The following MAN2A1 variants were observed in gnomAD, a reference collection of about 807,000 sequenced individuals.
The protein encoded by MAN2A1 is alpha-mannosidase 2.
In MAN2A1, 76 loss-of-function variants were observed where a neutral mutation model predicts 142.6. The ratio of observed to expected loss-of-function variants is 0.53; its 90% CI spans 0.44 to 0.65. The LOEUF (loss-of-function observed/expected upper bound fraction) is 0.65. Among genes scored for constraint, MAN2A1 ranks in the 30% least tolerant of loss-of-function variants. The pLI, the probability that MAN2A1 is intolerant of heterozygous loss-of-function variation, is 0.00. For missense variants in MAN2A1, 1,311 were observed against 1,365.1 expected (o/e 0.96, Z 0.62); for synonymous variants, 559 against 473.2 (o/e 1.18, Z -2.35).
At chr5:109,718,598 C>T (rs930976994) in intron 3 of MAN2A1, among the ~76,000 whole-genome samples, 7 of 152,186 alleles carry the variant, frequency 4.6e-5, no homozygotes, top group Admixed American at 1.3e-4. Flanking sequence ...TAGCTGAACA[C>T]TTGGCATATA....
At chr5:109,748,230 C>T (rs1752455968) in intron 4 of MAN2A1, among the ~76,000 whole-genome samples, 1 of 152,146 alleles carries the variant, frequency 6.6e-6, no homozygotes, top group Non-Finnish European at 1.5e-5. Flanking sequence ...CTACTTATGT[C>T]TACATCCTTA....
intron 3 of MAN2A1, among the ~76,000 whole-genome samples, chr5:109,721,963 G>C (rs572611481): frequency 6.6e-6 from 1 of 152,322 alleles, no homozygotes; most frequent in South Asian, 2.1e-4. Context: ...TCATGACAGA[G>C]TCTGTAATTA....
intron 12 of MAN2A1, among the ~76,000 whole-genome samples, chr5:109,800,050 T>C (rs1220547674): frequency 7.0e-6 from 1 of 142,994 alleles, no homozygotes; most frequent in African/African-American, 2.6e-5. Context: ...ATTGCGCCAC[T>C]GCACTCCAGC....
intron 1 of MAN2A1, among the ~76,000 whole-genome samples, chr5:109,699,238 T>A (rs1393583163): frequency 1.3e-5 from 2 of 152,174 alleles, no homozygotes; most frequent in African/African-American, 4.8e-5. Flanking sequence ...TCACCCTCCC[T>A]CAGCCATCAG....
Position 109,848,134 on chromosome 5 carries a change from AGATTAAATTTGGTAAACT to A in MAN2A1, c.2976+345_2976+362del, listed in dbSNP as rs540416271. ...AATAGAACTTAGTCATATACTTAGG[AGATTAAATTTGGTAAACT>A]TTATTTGAAATCTTAGTAAAATTTA... On this transcript the variant is annotated intron_variant, in intron 19 of 21. Coordinates refer to ENST00000261483, the MANE Select transcript of MAN2A1 (RefSeq NM_002372.4). Among the ~76,000 whole-genome samples, 17 of 152,356 alleles carry A rather than the reference AGATTAAATTTGGTAAACT, an allele frequency of 1.1e-4. No individual in the cohort carries two copies. The South Asian group carries it at 3.3e-3, about 30-fold the overall frequency.
chr5:109,693,954 T>G (rs1445299124), intron 1 of MAN2A1, among the ~76,000 whole-genome samples: 1 of 152,222 alleles, frequency 6.6e-6, no homozygotes, highest in Admixed American at 6.5e-5. Context: ...TGGAAGAATT[T>G]GAGCAGATGG....
intron 4 of MAN2A1, among the ~76,000 whole-genome samples, chr5:109,745,681 C>G (rs896128891): frequency 1.3e-5 from 2 of 152,100 alleles, no homozygotes; most frequent in African/African-American, 4.8e-5. Flanking sequence ...TGCAGTGGTA[C>G]TATCATAGCT....
chr5:109,723,878 G>GT (rs1448109684), intron 3 of MAN2A1, among the ~76,000 whole-genome samples: 1 of 151,632 alleles, frequency 6.6e-6, no homozygotes, highest in Non-Finnish European at 1.5e-5. Flanking sequence ...TTTTCTTTTG[G>GT]TAAGACTTTA....
At chr5:109,835,373 A>G (rs190947950) in intron 16 of MAN2A1, among the ~76,000 whole-genome samples, 181 of 150,974 alleles carry the variant, frequency 1.2e-3, no homozygotes, top group Non-Finnish European at 2.3e-3. Context: ...AGCAACAATT[A>G]GATAGATAAC....
Position 109,866,941 on chromosome 5 carries a change from A to G in MAN2A1, c.3378A>G (p.Ile1126Met). Reference sequence around the variant, plus strand: ...ATTCACCTCCCGGCACTCAGAATATAAGTGAGATCAACTTGAGTCCAATGG... The same window carrying G: ...ATTCACCTCCCGGCACTCAGAATATGAGTGAGATCAACTTGAGTCCAATGG... ...LMHSPPGTQN[I>M]SEINLSPMEI... Residue 1126 changes from isoleucine to methionine, a missense_variant, in exon 22 of 22, where the codon ATA becomes ATG. Around this residue, in one of 3 missense-constraint regions of MAN2A1, gnomAD observed 890 missense variants for 920.5 expected, o/e 0.97. Coordinates refer to ENST00000261483, the MANE Select transcript of MAN2A1 (RefSeq NM_002372.4). 1.9e-6 allele frequency: 3 copies of G among 1,612,792 alleles called. No individual in the cohort carries two copies. Among genetic ancestry groups the G allele is most frequent in the Non-Finnish European group, 2.5e-6 (3 of 1,179,242 alleles).
In MAN2A1 at chr5:109,869,161, A is replaced by G. The variant is rs1177220448; in HGVS notation, c.*2163A>G. ...GGATGCTTTGCTTTGGGTTGTAGTC[A>G]AAAACTGATTAAATAATTTAATGTC... On this transcript the variant is annotated 3_prime_UTR_variant, in exon 22 of 22. Coordinates refer to ENST00000261483, the MANE Select transcript of MAN2A1 (RefSeq NM_002372.4). The G allele has an allele frequency of 2.6e-5, 4 of 152,216 alleles. No homozygotes were observed. The highest frequency in any genetic ancestry group is 9.6e-5 in the African/African-American group (4 of 41,460). The allele number at this position is 152,216 out of a possible 1,614,324, so 9.4% of individuals were successfully genotyped here.
intron 20 of MAN2A1, among the ~76,000 whole-genome samples, chr5:109,858,555 C>A (rs1330583887): frequency 6.6e-6 from 1 of 152,164 alleles, no homozygotes; most frequent in Non-Finnish European, 1.5e-5. Flanking sequence ...ATGGGCTGTT[C>A]ATTTGGAGAA....
At chr5:109,749,333 T>A (rs1214417973) in intron 4 of MAN2A1, among the ~76,000 whole-genome samples, 1 of 152,176 alleles carries the variant, frequency 6.6e-6, no homozygotes, top group Non-Finnish European at 1.5e-5. Flanking sequence ...TGCAGTAAAT[T>A]CTGCATTTTA....
chr5:109,811,534 T>G (rs1754317017), intron 12 of MAN2A1, among the ~76,000 whole-genome samples: 1 of 151,354 alleles, frequency 6.6e-6, no homozygotes, highest in Admixed American at 6.6e-5. Flanking sequence ...ATTTTCTGTT[T>G]TGATTGGTCT....
At chr5:109,761,668 G>T (rs1449715566) in intron 5 of MAN2A1, among the ~76,000 whole-genome samples, 1 of 151,252 alleles carries the variant, frequency 6.6e-6, no homozygotes, top group African/African-American at 2.4e-5. Context: ...TTTTTTATTG[G>T]TTTGTGATAC....
At chr5:109,755,722 T>C (rs1411762395) in intron 5 of MAN2A1, among the ~76,000 whole-genome samples, 1 of 150,006 alleles carries the variant, frequency 6.7e-6, no homozygotes, top group Non-Finnish European at 1.5e-5. Context: ...AATTGTATGT[T>C]AAGACTTGAT....
At chr5:109,736,495 T>G (rs1197510901) in intron 4 of MAN2A1, among the ~76,000 whole-genome samples, 2 of 152,094 alleles carry the variant, frequency 1.3e-5, no homozygotes, top group Non-Finnish European at 2.9e-5. Flanking sequence ...CCAGCCTGGG[T>G]GACTGGGCAA....
intron 12 of MAN2A1, among the ~76,000 whole-genome samples, chr5:109,796,061 T>C (rs1421767642): frequency 6.6e-6 from 1 of 152,204 alleles, no homozygotes; most frequent in African/African-American, 2.4e-5. Flanking sequence ...AACCATTTTA[T>C]TACGCTGTTG....
At position 109,783,691 on chromosome 5, in the gene MAN2A1, G is replaced by A. The variant is rs1176733898; in HGVS notation, c.1578-1053G>A. ...CTGCATTGTCCTTAAAACATGTTTC[G>A]TGTATAGAACCTTCTTATACTTTTT... is the stretch of plus-strand genomic sequence containing the variant. On this transcript the variant is annotated intron_variant, in intron 9 of 21. Transcript: ENST00000261483. Among the ~76,000 whole-genome samples the A allele has an allele frequency of 5.3e-5, 8 of 151,814 alleles. No individual in the cohort carries two copies. In the South Asian group the frequency reaches 1.0e-3, roughly 20 times the overall value.
Sources: allele counts gnomAD v4.1 joint callset (sites outside exome capture counted in the v4.1 genomes callset), GRCh38; gene constraint gnomAD v4.1.1; regional missense constraint gnomAD v4.1.1; transcripts MANE v1.5; gene names NCBI Gene and HGNC (gene_info 2026-07-23, HGNC 2026-07-21).